HSD17B2: variants seen among roughly 807,000 people sequenced by gnomAD.
HSD17B2 encodes hydroxysteroid 17-beta dehydrogenase 2, also known as 17-beta-hydroxysteroid dehydrogenase type 2.
A neutral mutation model predicts 26.9 loss-of-function variants in HSD17B2; 32 were observed. The observed-to-expected ratio is 1.19, with a 90% CI of 0.90 to 1.60. The LOEUF (loss-of-function observed/expected upper bound fraction) is 1.60, where lower values mean the gene tolerates loss of function less well. Among genes scored for constraint, HSD17B2 ranks in the 40% most tolerant of loss-of-function variants. The pLI, the probability that HSD17B2 is intolerant of heterozygous loss-of-function variation, is 0.00. For synonymous variants in HSD17B2, 246 were observed against 186.7 expected (o/e 1.32, Z -2.59); for missense variants, 613 against 468.6 (o/e 1.31, Z -2.85).
chr16:82,065,115 GCA>G (rs1419875006), intron 1 of HSD17B2, among the ~76,000 whole-genome samples: 1 of 152,208 alleles, frequency 6.6e-6, no homozygotes, highest in Non-Finnish European at 1.5e-5. Flanking sequence ...TTGTGTGGAG[GCA>G]CACAGTGTTG....
At chr16:82,048,058 G>A (rs953433314) in intron 1 of HSD17B2, among the ~76,000 whole-genome samples, 3 of 152,096 alleles carry the variant, frequency 2.0e-5, no homozygotes, top group Admixed American at 6.5e-5. Flanking sequence ...TTCAGGTGGT[G>A]GTGTCCAAAT....
intron 1 of HSD17B2, among the ~76,000 whole-genome samples, chr16:82,037,963 T>C (rs926822544): frequency 3.0e-4 from 46 of 152,228 alleles, no homozygotes; most frequent in African/African-American, 9.9e-4. Context: ...AAATAGTTGG[T>C]TAATGGTTGG....
chr16:82,039,525 C>T (rs894314892), intron 1 of HSD17B2, among the ~76,000 whole-genome samples: 4 of 152,078 alleles, frequency 2.6e-5, no homozygotes, highest in Admixed American at 6.6e-5. Flanking sequence ...ATGTGCCATG[C>T]ATTTTCCAGA....
At chr16:82,077,978 C>T (rs1363517230) in intron 3 of HSD17B2, among the ~76,000 whole-genome samples, 4 of 152,120 alleles carry the variant, frequency 2.6e-5, no homozygotes, top group Non-Finnish European at 5.9e-5. Flanking sequence ...CTCTCCAGGA[C>T]ACTGGAATTG....
chr16:82,085,253 T>C (rs978689703), intron 3 of HSD17B2, among the ~76,000 whole-genome samples: 2 of 152,118 alleles, frequency 1.3e-5, no homozygotes, highest in Non-Finnish European at 2.9e-5. Context: ...AGTGGCAAGA[T>C]GGGAAGCCTA....
chr16:82,045,395 G>C (rs1384893075), intron 1 of HSD17B2, among the ~76,000 whole-genome samples: 3 of 152,096 alleles, frequency 2.0e-5, no homozygotes, highest in Non-Finnish European at 4.4e-5. Flanking sequence ...ACCTCTATGA[G>C]GTTAATTTTT....
intron 2 of HSD17B2, 35 bp from the exon 3 acceptor site, chr16:82,070,907 C>G (rs1349033871): frequency 6.3e-7 from 1 of 1,585,720 alleles, no homozygotes; most frequent in Non-Finnish European, 8.6e-7. Flanking sequence ...ACTTCCTCTT[C>G]CAGACACTCA....
rs1178705469 is a variant in HSD17B2 at position 82,098,187 on chromosome 16, T to C, written c.915T>C (p.Asn305=). 2.5e-6 allele frequency: 4 copies of C among 1,614,150 alleles called. No individual in the cohort carries two copies. The highest frequency in any genetic ancestry group is 3.4e-6 in the Non-Finnish European group (4 of 1,180,014). ...AGGACTACATCTTAGCACAGCGGAATTTCCTCCTATTGATCAACTCGTTAG... is the reference window on the plus strand; with the variant it reads ...AGGACTACATCTTAGCACAGCGGAACTTCCTCCTATTGATCAACTCGTTAG... ...YGQDYILAQR[N]FLLLINSLAS... is the part of the protein sequence containing the mutation. The change falls in exon 5 of 5, where the codon AAT becomes AAC. Residue 305 remains asparagine, a synonymous_variant. Transcript: ENST00000199936.
chr16:82,093,802 T>G (rs1399653088), intron 4 of HSD17B2: 2 of 152,202 alleles, frequency 1.3e-5, no homozygotes, highest in Non-Finnish European at 2.9e-5. Context: ...CTGAGTATAC[T>G]TATAGTTACT....
chr16:82,051,213 G>A (rs1030423818), intron 1 of HSD17B2, among the ~76,000 whole-genome samples: 1 of 152,120 alleles, frequency 6.6e-6, no homozygotes, highest in Non-Finnish European at 1.5e-5. Flanking sequence ...ATTCAATTCT[G>A]TAATGATAGC....
At chr16:82,072,842 G>A (rs957230916) in intron 3 of HSD17B2, among the ~76,000 whole-genome samples, 1 of 152,200 alleles carries the variant, frequency 6.6e-6, no homozygotes, top group African/African-American at 2.4e-5. Flanking sequence ...GATTACTTCA[G>A]CCCAGGAGTT....
chr16:82,043,060 T>A, intron 1 of HSD17B2, among the ~76,000 whole-genome samples: 1 of 152,252 alleles, frequency 6.6e-6, no homozygotes, highest in African/African-American at 2.4e-5. Context: ...TGCAGTTGCA[T>A]CTCTTGACAT....
At chr16:82,079,135 A>G (rs1476544638) in intron 3 of HSD17B2, among the ~76,000 whole-genome samples, 1 of 152,220 alleles carries the variant, frequency 6.6e-6, no homozygotes, top group Non-Finnish European at 1.5e-5. Context: ...CACCTCATGT[A>G]GCACATAAAT....
chr16:82,068,667 C>T (rs979986917), intron 2 of HSD17B2, among the ~76,000 whole-genome samples: 5 of 152,216 alleles, frequency 3.3e-5, no homozygotes, highest in African/African-American at 1.2e-4. Flanking sequence ...CAGCTCATTG[C>T]TTTTCTGTCC....
At position 82,048,987 on chromosome 16, in the gene HSD17B2, G is replaced by A. The variant is rs8191086; in HGVS notation, c.265+13298G>A. Among the ~76,000 whole-genome samples, 539 of 152,332 alleles carry A rather than the reference G, an allele frequency of 3.5e-3. 2 individuals are homozygous for A. The highest frequency in any genetic ancestry group is 5.3e-3 in the Non-Finnish European group (359 of 68,024). On this transcript the variant is annotated intron_variant, in intron 1 of 4. Coordinates refer to ENST00000199936, the MANE Select transcript of HSD17B2 (RefSeq NM_002153.3). Reference sequence around the variant, plus strand: ...ATAAAGTAACCAGAGAACGCATTATGATGAAAATAATCCTGGCTACTTTCT... The same window carrying A: ...ATAAAGTAACCAGAGAACGCATTATAATGAAAATAATCCTGGCTACTTTCT...
chr16:82,053,699 C>T (rs1031466453), intron 1 of HSD17B2, among the ~76,000 whole-genome samples: 3 of 152,050 alleles, frequency 2.0e-5, no homozygotes. Context: ...TTGTGGCTGA[C>T]CTCTAAAGAT....
intron 1 of HSD17B2, among the ~76,000 whole-genome samples, chr16:82,055,546 A>G (rs1914240887): frequency 6.6e-6 from 1 of 152,232 alleles, no homozygotes. Context: ...TGGAGTAAGT[A>G]GCACATATGT....
rs1353084198 is a variant in HSD17B2, at chr16:82,095,443, C to T, written c.803-2632C>T. 1.2e-4 allele frequency: 19 copies of T among 152,934 alleles called. No individual in the cohort carries two copies. The Admixed American group carries it at 1.2e-3, about 10-fold the overall frequency. The allele number at this position is 152,934 out of a possible 1,614,324, so 9.5% of individuals were successfully genotyped here. ...CACCGAAGCTAGCAAGGGCTCATCC[C>T]CACAGCTATGTGAACAACCAAGCAC... is the stretch of plus-strand genomic sequence containing the variant. On this transcript the variant is annotated intron_variant, in intron 4 of 4. Transcript: ENST00000199936.
chr16:82,058,949 T>C (rs1043843975), intron 1 of HSD17B2, among the ~76,000 whole-genome samples: 12 of 152,138 alleles, frequency 7.9e-5, no homozygotes, highest in African/African-American at 2.7e-4. Flanking sequence ...ATTTACTCAA[T>C]TGTTCATTCT....
Sources: gnomAD v4.1 joint callset for allele counts (sites outside exome capture counted in the v4.1 genomes callset) on GRCh38, gnomAD v4.1.1 for gene constraint, MANE v1.5 for transcripts, NCBI Gene and HGNC (gene_info 2026-07-23, HGNC 2026-07-21) for gene names.